FBXO36: variants seen among roughly 807,000 people sequenced by gnomAD.
The protein encoded by FBXO36 is F-box only protein 36.
FBXO36 carries 18 observed loss-of-function variants against 17.0 expected under a neutral mutation model. The ratio of observed to expected loss-of-function variants is 1.06; its 90% CI spans 0.73 to 1.57. The LOEUF is 1.57. Among genes scored for constraint, FBXO36 ranks in the 40% most tolerant of loss-of-function variants. The pLI, the probability that FBXO36 is intolerant of heterozygous loss-of-function variation, is 0.00. For synonymous variants in FBXO36, 83 were observed against 85.3 expected, an observed-to-expected ratio of 0.97 and a Z score of 0.15; for missense variants, 229 against 221.9, an observed-to-expected ratio of 1.03 and a Z score of -0.20.
chr2:230,010,883 A>G lies in FBXO36; in HGVS notation c.566A>G (p.Ter189TrpextTer28). 4.4e-6 allele frequency: 7 copies of G among 1,606,062 alleles called. No homozygotes were observed. Among genetic ancestry groups the G allele is most frequent in the Non-Finnish European group, 6.0e-6 (7 of 1,174,950 alleles). ...KYGNLREKQP[*>W] is the part of the protein sequence containing the mutation. ...GGAAACCTGAGAGAAAAGCAACCTT[A>G]GGCACACATTTTCCTACCAGCAGGG... Residue 189 changes from the stop codon to tryptophan, a stop_lost, in exon 4 of 4, where the codon TAG becomes TGG. Coordinates refer to ENST00000283946, the MANE Select transcript of FBXO36 (RefSeq NM_174899.5).
chr2:229,936,139 C>G (rs564448015), intron 1 of FBXO36, among the ~76,000 whole-genome samples: 1 of 152,098 alleles, frequency 6.6e-6, no homozygotes, highest in Admixed American at 6.5e-5. Flanking sequence ...ACCGAGGTCA[C>G]GCACCATTGC....
chr2:229,964,576 G>A (rs1050019094), intron 1 of FBXO36, among the ~76,000 whole-genome samples: 1 of 152,216 alleles, frequency 6.6e-6, no homozygotes, highest in Non-Finnish European at 1.5e-5. Context: ...CTGAAGTGCA[G>A]TTGGTGCGAT....
chr2:229,962,440 C>A (rs948966082), intron 1 of FBXO36, among the ~76,000 whole-genome samples: 2 of 151,780 alleles, frequency 1.3e-5, no homozygotes, highest in Non-Finnish European at 2.9e-5. Context: ...ACGCAATCCT[C>A]CTATTTCTGC....
At chr2:229,941,453 T>A in intron 1 of FBXO36, among the ~76,000 whole-genome samples, 1 of 151,782 alleles carries the variant, frequency 6.6e-6, no homozygotes. Context: ...AGACTCCGTC[T>A]CAAAAAAAAC....
intron 2 of FBXO36, among the ~76,000 whole-genome samples, chr2:229,989,571 T>C (rs2077287927): frequency 6.8e-6 from 1 of 146,224 alleles, no homozygotes; most frequent in Non-Finnish European, 1.5e-5. Context: ...TATATTTTGT[T>C]TGTTGTTTGT....
At chr2:229,987,902 G>A (rs1215470574) in intron 2 of FBXO36, among the ~76,000 whole-genome samples, 1 of 152,076 alleles carries the variant, frequency 6.6e-6, no homozygotes, top group Non-Finnish European at 1.5e-5. Context: ...CCAAAGTGCT[G>A]GGATTATAGA....
chr2:229,982,635 C>T (rs1031733966), intron 2 of FBXO36, among the ~76,000 whole-genome samples: 3 of 151,554 alleles, frequency 2.0e-5, no homozygotes, highest in South Asian at 4.2e-4. Context: ...GGTGAAACCT[C>T]GTCTCTACTA....
chr2:229,969,408 G>A (rs1211796694), intron 1 of FBXO36, among the ~76,000 whole-genome samples: 2 of 151,544 alleles, frequency 1.3e-5, no homozygotes, highest in Non-Finnish European at 2.9e-5. Context: ...AAAAATTCAG[G>A]CCAGGCACGG....
intron 2 of FBXO36, among the ~76,000 whole-genome samples, chr2:229,989,975 A>G (rs1447493743): frequency 1.3e-5 from 2 of 151,926 alleles, no homozygotes; most frequent in Non-Finnish European, 2.9e-5. Flanking sequence ...TATTTCTGAC[A>G]TTAGAGGTTA....
chr2:230,009,819 A>C (rs2077405930), intron 3 of FBXO36, among the ~76,000 whole-genome samples: 2 of 152,036 alleles, frequency 1.3e-5, no homozygotes, highest in Admixed American at 1.3e-4. Context: ...GGTGGTGTGC[A>C]CCTGTAGTAC....
intron 1 of FBXO36, chr2:229,923,093 G>A (rs1301356371): frequency 6.5e-6 from 1 of 154,546 alleles, no homozygotes. Flanking sequence ...CGCGTGCCAC[G>A]GCCACATCAA....
intron 1 of FBXO36, among the ~76,000 whole-genome samples, chr2:229,923,607 T>C (rs2076858965): frequency 6.6e-6 from 1 of 151,946 alleles, no homozygotes; most frequent in Non-Finnish European, 1.5e-5. Context: ...TTTTAAAATA[T>C]AAATGTTAAT....
intron 2 of FBXO36, among the ~76,000 whole-genome samples, chr2:229,982,736 G>A (rs1335596157): frequency 6.9e-6 from 1 of 145,284 alleles, no homozygotes; most frequent in Non-Finnish European, 1.5e-5. Context: ...GAAACTGGGA[G>A]GCAGAAGTGG....
chr2:229,936,262 T>C (rs899103420), intron 1 of FBXO36, among the ~76,000 whole-genome samples: 1 of 152,194 alleles, frequency 6.6e-6, no homozygotes, highest in Non-Finnish European at 1.5e-5. Flanking sequence ...TCTCTCCCCA[T>C]CATGCTTCTA....
At chr2:230,010,447 G>T (rs1420228684) in intron 3 of FBXO36, among the ~76,000 whole-genome samples, 1 of 152,150 alleles carries the variant, frequency 6.6e-6, no homozygotes, top group Non-Finnish European at 1.5e-5. Flanking sequence ...GTTGCCTGGT[G>T]TTGGTAGGAG....
intron 1 of FBXO36, among the ~76,000 whole-genome samples, chr2:229,953,502 C>G (rs1293681153): frequency 6.6e-6 from 1 of 151,400 alleles, no homozygotes; most frequent in Non-Finnish European, 1.5e-5. Flanking sequence ...ATGGCAAAAC[C>G]TCATCTCTAC....
intron 3 of FBXO36, among the ~76,000 whole-genome samples, chr2:230,005,753 C>T (rs1182641637): frequency 2.0e-5 from 3 of 152,130 alleles, no homozygotes; most frequent in African/African-American, 4.8e-5. Context: ...TTGCAGCCTC[C>T]GCCTCCCAGA....
At chr2:229,929,001 G>C (rs1342159568) in intron 1 of FBXO36, among the ~76,000 whole-genome samples, 1 of 146,652 alleles carries the variant, frequency 6.8e-6, no homozygotes, top group Non-Finnish European at 1.5e-5. Context: ...CTGAGACAGA[G>C]TCTTGCTCTG....
intron 1 of FBXO36, among the ~76,000 whole-genome samples, chr2:229,934,433 A>G (rs1264128820): frequency 2.0e-5 from 3 of 151,960 alleles, no homozygotes; most frequent in Non-Finnish European, 4.4e-5. Context: ...ATAAAATCCT[A>G]TTTTGCATCA....
Sources: gnomAD v4.1 joint callset for allele counts (sites outside exome capture counted in the v4.1 genomes callset) on GRCh38, gnomAD v4.1.1 for gene constraint, MANE v1.5 for transcripts, NCBI Gene and HGNC (gene_info 2026-07-23, HGNC 2026-07-21) for gene names.